Variants in PAQR5 observed in about 807,000 individuals in gnomAD.
The protein encoded by PAQR5 is progestin and adipoQ receptor family member 5, also known as membrane progestin receptor gamma.
PAQR5 carries 20 observed loss-of-function variants against 34.5 expected under a neutral mutation model. That is an observed-to-expected ratio of 0.58 (90% CI 0.41 to 0.84). The LOEUF is 0.84. Among genes scored for constraint, PAQR5 ranks in the 40% least tolerant of loss-of-function variants. PAQR5 has a pLI of 0.00. For missense variants in PAQR5, 378 were observed against 412.7 expected (o/e 0.92, Z 0.73); for synonymous variants, 131 against 155.6 (o/e 0.84, Z 1.18).
intron 1 of PAQR5, among the ~76,000 whole-genome samples, chr15:69,334,070 C>T (rs2054453975): frequency 6.6e-6 from 1 of 152,138 alleles, no homozygotes; most frequent in South Asian, 2.1e-4. Context: ...CACTCTCTCA[C>T]CAGACTGGAG....
intron 1 of PAQR5, among the ~76,000 whole-genome samples, chr15:69,306,655 G>A (rs62008442): frequency 0.32 from 48,977 of 151,756 alleles, 8,113 homozygotes; most frequent in African/African-American, 0.41. Flanking sequence ...TGCCCACCTC[G>A]GCCTCCCAAA....
chr15:69,343,329 G>A (rs992374886), intron 2 of PAQR5, among the ~76,000 whole-genome samples: 1 of 152,350 alleles, frequency 6.6e-6, no homozygotes, highest in East Asian at 1.9e-4. Flanking sequence ...ATAATAGGCT[G>A]TCTGGGGGAA....
chr15:69,305,558 C>T (rs1048936545), intron 1 of PAQR5, among the ~76,000 whole-genome samples: 8 of 151,994 alleles, frequency 5.3e-5, no homozygotes, highest in Non-Finnish European at 7.4e-5. Context: ...GTGGTTCGGG[C>T]CCGCACACTA....
At chr15:69,313,983 C>A (rs1041979735) in intron 1 of PAQR5, among the ~76,000 whole-genome samples, 1 of 151,960 alleles carries the variant, frequency 6.6e-6, no homozygotes, top group African/African-American at 2.4e-5. Flanking sequence ...CCTTCACAGC[C>A]GCCTCCCCAA....
intron 1 of PAQR5, among the ~76,000 whole-genome samples, chr15:69,319,861 C>T (rs1200979294): frequency 6.6e-6 from 1 of 152,206 alleles, no homozygotes; most frequent in East Asian, 1.9e-4. Flanking sequence ...CCTCCAGGTT[C>T]CCAGCCTGCT....
At chr15:69,360,560 G>A (rs1017395271) in intron 3 of PAQR5, among the ~76,000 whole-genome samples, 1 of 152,182 alleles carries the variant, frequency 6.6e-6, no homozygotes, top group African/African-American at 2.4e-5. Context: ...CCTTCACTGG[G>A]GCGATGGGGA....
intron 3 of PAQR5, among the ~76,000 whole-genome samples, chr15:69,374,488 C>A (rs978969746): frequency 2.6e-5 from 4 of 152,134 alleles, no homozygotes; most frequent in Non-Finnish European, 5.9e-5. Context: ...CCAGCCTGAC[C>A]AACATGTTGA....
chr15:69,358,487 G>A (rs1017502302), intron 2 of PAQR5, among the ~76,000 whole-genome samples: 9 of 152,052 alleles, frequency 5.9e-5, no homozygotes, highest in Admixed American at 5.2e-4. Context: ...TCCGTCCAGG[G>A]GCAGCCTCTG....
chr15:69,330,054 C>G (rs1450027559), intron 1 of PAQR5, among the ~76,000 whole-genome samples: 1 of 152,194 alleles, frequency 6.6e-6, no homozygotes, highest in East Asian at 1.9e-4. Flanking sequence ...CAGCCAAATT[C>G]ATACCTAGGA....
At chr15:69,355,153 C>T (rs1420030856) in intron 2 of PAQR5, among the ~76,000 whole-genome samples, 1 of 151,760 alleles carries the variant, frequency 6.6e-6, no homozygotes, top group East Asian at 2.0e-4. Context: ...CCTAATAAAT[C>T]CCCTGTCACC....
intron 5 of PAQR5, among the ~76,000 whole-genome samples, chr15:69,386,296 C>T (rs557889081): frequency 2.6e-5 from 4 of 151,608 alleles, no homozygotes; most frequent in Non-Finnish European, 4.4e-5. Context: ...ACCACACACA[C>T]GCTCACTCAC....
intron 6 of PAQR5, among the ~76,000 whole-genome samples, chr15:69,390,119 G>A (rs1026371213): frequency 6.6e-5 from 10 of 152,078 alleles, no homozygotes; most frequent in Non-Finnish European, 1.3e-4. Flanking sequence ...GAGTTCAAGC[G>A]ATTCTCCTGC....
chr15:69,379,197 T>G (rs2055808733), intron 3 of PAQR5, among the ~76,000 whole-genome samples: 1 of 152,224 alleles, frequency 6.6e-6, no homozygotes, highest in African/African-American at 2.4e-5. Flanking sequence ...CACTTACCAC[T>G]TTTAGTGGAT....
At chr15:69,300,451 T>C (rs949381516) in intron 1 of PAQR5, among the ~76,000 whole-genome samples, 25 of 152,286 alleles carry the variant, frequency 1.6e-4, no homozygotes, top group African/African-American at 4.8e-4. Flanking sequence ...CTCTGAAAAG[T>C]TGGATCAGAA....
At chr15:69,331,765 T>A (rs2054385243) in intron 1 of PAQR5, among the ~76,000 whole-genome samples, 1 of 152,168 alleles carries the variant, frequency 6.6e-6, no homozygotes, top group South Asian at 2.1e-4. Flanking sequence ...AGACTTATAT[T>A]GGGTGCTGAA....
chr15:69,389,184 G>A (rs997729098), intron 5 of PAQR5, among the ~76,000 whole-genome samples: 2 of 152,156 alleles, frequency 1.3e-5, no homozygotes, highest in African/African-American at 4.8e-5. Context: ...CAGGTGAGAT[G>A]TGCACACTCT....
intron 3 of PAQR5, among the ~76,000 whole-genome samples, chr15:69,366,094 A>G (rs1029375192): frequency 2.6e-5 from 4 of 152,254 alleles, no homozygotes; most frequent in African/African-American, 9.6e-5. Context: ...AGAAAGAACT[A>G]CACCCGTTAG....
rs186854203 is a variant in PAQR5, at chr15:69,371,092, G to T, written c.52-8791G>T. On this transcript the variant is annotated intron_variant, in intron 3 of 8. Transcript: ENST00000395407. ...AATCGACATTATCATATAATTTGTG[G>T]TCTATTGACAATGATGTTAAATTAA... 3.3e-4 allele frequency among the ~76,000 whole-genome samples: 50 copies of T among 151,922 alleles called. No homozygotes were observed. The East Asian group carries it at 8.7e-3, about 26-fold the overall frequency.
intron 2 of PAQR5, among the ~76,000 whole-genome samples, chr15:69,340,618 GTTGGCCGTTT>G (rs1567008899): frequency 6.6e-6 from 1 of 152,188 alleles, no homozygotes; most frequent in Non-Finnish European, 1.5e-5. Context: ...TGCCCTGTGA[GTTGGCCGTTT>G]TCTTCCCATG....
Sources: allele counts gnomAD v4.1 joint callset (sites outside exome capture counted in the v4.1 genomes callset), GRCh38; gene constraint gnomAD v4.1.1; transcripts MANE v1.5; gene names NCBI Gene and HGNC (gene_info 2026-07-23, HGNC 2026-07-21).